The following AZIN1 variants were observed in gnomAD, a reference collection of about 807,000 sequenced individuals.
The protein encoded by AZIN1 is ornithine decarboxylase antizyme inhibitor.
Under a neutral mutation model 47.4 loss-of-function variants are expected in AZIN1, and 12 were observed. The observed-to-expected ratio is 0.25, with a 90% CI of 0.16 to 0.41. AZIN1 has a LOEUF of 0.41. Among genes scored for constraint, AZIN1 ranks in the 10% least tolerant of loss-of-function variants. The pLI is 1.00. For synonymous variants in AZIN1, 155 were observed against 176.3 expected, an observed-to-expected ratio of 0.88 and a Z score of 0.96; for missense variants, 410 against 532.4, an observed-to-expected ratio of 0.77 and a Z score of 2.26.
chr8:102,851,255 AT>A (rs1812899163), intron 2 of AZIN1, among the ~76,000 whole-genome samples: 2 of 152,340 alleles, frequency 1.3e-5, no homozygotes, highest in South Asian at 4.1e-4. Flanking sequence ...CCTGATTACA[AT>A]TAAGCATAGG....
intron 2 of AZIN1, 61 bp from the exon 3 acceptor site, chr8:102,843,808 A>G: frequency 1.7e-6 from 2 of 1,201,310 alleles, no homozygotes; most frequent in Non-Finnish European, 2.2e-6. Context: ...TGTACGAGTC[A>G]ATGAAAGTGT....
intron 3 of AZIN1, among the ~76,000 whole-genome samples, chr8:102,842,695 A>C (rs1563539318): frequency 6.9e-6 from 1 of 144,390 alleles, no homozygotes; most frequent in Non-Finnish European, 1.5e-5. Context: ...ATACAGAGGG[A>C]GACTCCATCT....
At chr8:102,847,399 T>C (rs546131868) in intron 2 of AZIN1, among the ~76,000 whole-genome samples, 2 of 151,994 alleles carry the variant, frequency 1.3e-5, no homozygotes, top group South Asian at 4.2e-4. Flanking sequence ...GTTTATTTTC[T>C]TTGATGCTCT....
intron 5 of AZIN1, among the ~76,000 whole-genome samples, chr8:102,838,311 ACT>A (rs1312612893): frequency 1.3e-5 from 2 of 152,230 alleles, no homozygotes; most frequent in Admixed American, 6.5e-5. Context: ...CTTCGAAGAC[ACT>A]GTCAGTAAAG....
At chr8:102,830,415 A>AG (rs1032535913) in intron 9 of AZIN1, among the ~76,000 whole-genome samples, 3 of 151,666 alleles carry the variant, frequency 2.0e-5, no homozygotes, top group Non-Finnish European at 2.9e-5. Flanking sequence ...AAAAAAAAAA[A>AG]AAAAAGAAAA....
chr8:102,838,899 C>G lies in AZIN1; in HGVS notation c.294G>C (p.Val98=). ...TTTCTGGAGGTACACCCAACTCTTG[C>G]ACTAAAGCCATTTCATTCTGTGAAA... ...ACSSKNEMAL[V]QELGVPPENI... Residue 98 remains valine (V), a synonymous_variant, in exon 5 of 12, where the codon GTG becomes GTC. Transcript: ENST00000337198. 6.2e-7 allele frequency: 1 copy of G among 1,610,264 alleles called. No homozygotes were observed. Among genetic ancestry groups the G allele is most frequent in the Non-Finnish European group, 8.5e-7 (1 of 1,178,506 alleles).
chr8:102,845,954 A>C (rs1812543494), intron 2 of AZIN1, among the ~76,000 whole-genome samples: 1 of 152,118 alleles, frequency 6.6e-6, no homozygotes, highest in African/African-American at 2.4e-5. Context: ...CTTGCTGTCT[A>C]TGTCTTTTTG....
intron 4 of AZIN1, 69 bp downstream of exon 4, chr8:102,839,581 A>C (rs185801856): frequency 1.2e-5 from 14 of 1,123,508 alleles, no homozygotes; most frequent in Non-Finnish European, 1.5e-5. Context: ...TTTGTTCTCT[A>C]ACCGCTGTAA....
At chr8:102,839,629 T>TAAAAAAAA (rs752318571) in intron 4 of AZIN1, 21 bp downstream of exon 4, 1 of 1,500,982 alleles carries the variant, frequency 6.7e-7, no homozygotes, top group Admixed American at 2.2e-5. Context: ...TCAGTTTAGT[T>TAAAAAAAA]AAAAAATGAA....
intron 2 of AZIN1, chr8:102,849,933 T>G (rs1586192209): frequency 6.6e-6 from 1 of 152,218 alleles, no homozygotes; most frequent in Non-Finnish European, 1.5e-5. Flanking sequence ...TGAGTCCTCA[T>G]GTTCATCGAC....
chr8:102,837,617 T>C (rs2131216787), intron 5 of AZIN1, among the ~76,000 whole-genome samples: 1 of 152,336 alleles, frequency 6.6e-6, no homozygotes, highest in Non-Finnish European at 1.5e-5. Flanking sequence ...ACAGCTTGTC[T>C]TCAGAGGATC....
chr8:102,860,494 A>C (rs1813572287), intron 1 of AZIN1, among the ~76,000 whole-genome samples: 1 of 151,986 alleles, frequency 6.6e-6, no homozygotes, highest in South Asian at 2.1e-4. Context: ...CGAACTCCTG[A>C]CCTTGCGATC....
intron 1 of AZIN1, among the ~76,000 whole-genome samples, chr8:102,862,927 G>A (rs905268671): frequency 5.9e-5 from 9 of 152,206 alleles, no homozygotes; most frequent in African/African-American, 2.2e-4. Context: ...ACCAACTGTT[G>A]GCAGTCAAGA....
Position 102,828,423 on chromosome 8 carries a change from C to T in AZIN1, c.*144G>A. The T allele has an allele frequency of 1.9e-6, 1 of 518,022 alleles. No homozygotes were observed. Among genetic ancestry groups the T allele is most frequent in the Non-Finnish European group, 3.4e-6 (1 of 290,592 alleles). 32.1% of individuals were successfully genotyped at this position (518,022 alleles called of 1,614,324 possible). ...AATTATAGATGAAAGCTGATTTTGT[C>T]TGGTCCCAAATAGCTATTACTAATA... On this transcript the variant is annotated 3_prime_UTR_variant, in exon 12 of 12. Transcript: ENST00000337198.
chr8:102,849,242 G>A (rs1008508943), intron 2 of AZIN1, among the ~76,000 whole-genome samples: 4 of 152,108 alleles, frequency 2.6e-5, no homozygotes, highest in Non-Finnish European at 5.9e-5. Flanking sequence ...ACAGTGAGCT[G>A]AGATTGTGCC....
In AZIN1 at chr8:102,838,893, C is replaced by A; in HGVS notation, c.300G>T (p.Glu100Asp). 1 of 1,612,040 alleles carries A rather than the reference C, an allele frequency of 6.2e-7. No individual in the cohort carries two copies. The highest frequency in any genetic ancestry group is 8.5e-7 in the Non-Finnish European group (1 of 1,179,238). The change falls in exon 5 of 12, where the codon GAG (glutamate) becomes GAT (aspartate). Residue 100 changes from glutamate (E) to aspartate (D), a missense_variant. Physicochemically the swap from Glu to Asp is conservative, Grantham distance 45. Coordinates refer to ENST00000337198, the MANE Select transcript of AZIN1 (RefSeq NM_148174.4). ...TAATGTTTTCTGGAGGTACACCCAA[C>A]TCTTGCACTAAAGCCATTTCATTCT... The part of the protein sequence containing the change: ...SSKNEMALVQ[E>D]LGVPPENIIY...
chr8:102,835,131 CCCAA>C (rs1811736832), intron 6 of AZIN1: 1 of 160,026 alleles, frequency 6.2e-6, no homozygotes, highest in Admixed American at 6.2e-5. Flanking sequence ...TTCAATTTTA[CCCAA>C]CCAAATACAA....
chr8:102,853,806 A>G (rs770082953), intron 2 of AZIN1, among the ~76,000 whole-genome samples: 1 of 150,508 alleles, frequency 6.6e-6, no homozygotes, highest in Admixed American at 6.6e-5. Context: ...ATGTTCTGTT[A>G]CATTTGCTCA....
chr8:102,829,201 A>G, intron 11 of AZIN1, 71 bp downstream of exon 11: 2 of 1,312,336 alleles, frequency 1.5e-6, no homozygotes, highest in South Asian at 1.3e-5. Context: ...TCATTACAGA[A>G]TTAAAACTTA....
Sources: gnomAD v4.1 joint callset for allele counts (sites outside exome capture counted in the v4.1 genomes callset) on GRCh38, gnomAD v4.1.1 for gene constraint, MANE v1.5 for transcripts, NCBI Gene and HGNC (gene_info 2026-07-23, HGNC 2026-07-21) for gene names.